Variants in ATE1 observed in about 807,000 individuals in gnomAD.
ATE1 encodes the protein arginyl-tRNA--protein transferase 1.
A neutral mutation model predicts 70.5 loss-of-function variants in ATE1; 36 were observed. The ratio of observed to expected loss-of-function variants is 0.51; its 90% confidence interval spans 0.39 to 0.67. The LOEUF (loss-of-function observed/expected upper bound fraction) is 0.67. ATE1 is among the 30% of genes least tolerant of loss of function. ATE1 has a pLI of 0.00. For synonymous variants in ATE1, 232 were observed against 219.3 expected (o/e 1.06, Z -0.51); for missense variants, 593 against 629.5 (o/e 0.94, Z 0.62).
At chr10:121,814,894 A>C (rs1027755061) in intron 10 of ATE1, among the ~76,000 whole-genome samples, 6 of 152,216 alleles carry the variant, frequency 3.9e-5, no homozygotes, top group African/African-American at 1.4e-4. Context: ...ACTAAAATGG[A>C]AAATTATAAT....
intron 11 of ATE1, among the ~76,000 whole-genome samples, chr10:121,766,832 C>T (rs555494149): frequency 6.6e-6 from 1 of 152,240 alleles, no homozygotes; most frequent in South Asian, 2.1e-4. Flanking sequence ...GGCATAGAGA[C>T]AATGAGGCTT....
chr10:121,815,071 T>C (rs932403816), intron 10 of ATE1, among the ~76,000 whole-genome samples: 3 of 152,208 alleles, frequency 2.0e-5, no homozygotes, highest in African/African-American at 7.2e-5. Context: ...ATGATTTACA[T>C]ATACTAAAAA....
intron 4 of ATE1, among the ~76,000 whole-genome samples, chr10:121,911,442 T>TAAAA (rs371014661): frequency 3.9e-5 from 5 of 128,336 alleles, no homozygotes; most frequent in Admixed American, 1.5e-4. Context: ...TACAGTAAAT[T>TAAAA]AAAAAAAAAA....
At position 121,824,336 on chromosome 10, in the gene ATE1, C is replaced by A. The variant is rs923095773; in HGVS notation, c.1257+12382G>T. On this transcript the variant is annotated intron_variant, in intron 10 of 11. Transcript: ENST00000224652. ...ACCACGTGTGTCCACATGCATCACC[C>A]CGGCCTGCAAGGCTATAGTGAAATA... Among the ~76,000 whole-genome samples the A allele has an allele frequency of 4.6e-5, 7 of 152,150 alleles. No homozygotes were observed. In the East Asian group the frequency reaches 1.3e-3, roughly 29 times the overall value.
chr10:121,847,489 G>A (rs888763985), intron 8 of ATE1, among the ~76,000 whole-genome samples: 13 of 151,478 alleles, frequency 8.6e-5, no homozygotes, highest in South Asian at 6.3e-4. Flanking sequence ...GGCCAGGCGC[G>A]GTAGCTCATG....
chr10:121,830,820 A>G (rs909050463), intron 10 of ATE1, among the ~76,000 whole-genome samples: 1 of 152,168 alleles, frequency 6.6e-6, no homozygotes, highest in Non-Finnish European at 1.5e-5. Flanking sequence ...TTACAAAATC[A>G]CTAGGTTTAC....
chr10:121,925,871 G>C (rs1466385850), intron 1 of ATE1, among the ~76,000 whole-genome samples: 1 of 147,322 alleles, frequency 6.8e-6, no homozygotes, highest in Non-Finnish European at 1.5e-5. Flanking sequence ...CTGAGCAAAG[G>C]AGCAAGACTG....
At chr10:121,841,334 T>C in intron 8 of ATE1, 71 bp from the exon 9 acceptor site, 1 of 1,071,622 alleles carries the variant, frequency 9.3e-7, no homozygotes, top group Non-Finnish European at 1.2e-6. Flanking sequence ...ATATATACTT[T>C]CATTTTCCTC....
chr10:121,815,182 C>A (rs776328767), intron 10 of ATE1, among the ~76,000 whole-genome samples: 2 of 152,236 alleles, frequency 1.3e-5, no homozygotes, highest in Non-Finnish European at 2.9e-5. Context: ...GTCGCCCAGG[C>A]TGGACTGCAG....
At chr10:121,845,304 T>C (rs1170711592) in intron 8 of ATE1, among the ~76,000 whole-genome samples, 3 of 152,320 alleles carry the variant, frequency 2.0e-5, no homozygotes, top group Non-Finnish European at 2.9e-5. Flanking sequence ...CAGGGACTTT[T>C]AGGTGGTGAA....
intron 2 of ATE1, among the ~76,000 whole-genome samples, chr10:121,923,682 C>T (rs543597960): frequency 2.0e-5 from 3 of 152,256 alleles, no homozygotes; most frequent in African/African-American, 7.2e-5. Flanking sequence ...CTAAGAGTTA[C>T]TTAAAAATCA....
intron 7 of ATE1, among the ~76,000 whole-genome samples, chr10:121,885,260 C>CAAAA (rs1212899309): frequency 5.1e-4 from 17 of 33,384 alleles, no homozygotes; most frequent in African/African-American, 1.1e-3. Flanking sequence ...GACTCCGTCT[C>CAAAA]AAAAAAAAAA....
chr10:121,840,908 A>G (rs1351680913), intron 9 of ATE1, among the ~76,000 whole-genome samples, 174 bp downstream of exon 9: 1 of 151,388 alleles, frequency 6.6e-6, no homozygotes, highest in African/African-American at 2.4e-5. Flanking sequence ...ACTCATATAG[A>G]ATACCTATTA....
chr10:121,906,528 C>CAAAATAAAAT (rs372290142), intron 5 of ATE1, among the ~76,000 whole-genome samples: 18,262 of 145,858 alleles, frequency 0.13, 1,352 homozygotes, highest in Middle Eastern at 0.17. Flanking sequence ...GACCCTGTCT[C>CAAAATAAAAT]AAAATAAAAT....
intron 10 of ATE1, among the ~76,000 whole-genome samples, chr10:121,800,721 T>C (rs1564848609): frequency 6.6e-6 from 1 of 152,160 alleles, no homozygotes; most frequent in East Asian, 1.9e-4. Flanking sequence ...AAGTTGACAC[T>C]AGTATCCCAA....
Position 121,789,375 on chromosome 10 carries a change from T to A in ATE1, c.1378+794A>T, listed in dbSNP as rs542307731. ...GTGCAATGGCGTAATCTCAGCTCAC[T>A]GAAACCTCCACCTCCCAGGTTCAAG... is the stretch of plus-strand genomic sequence containing the variant. On this transcript the variant is annotated intron_variant, in intron 11 of 11. Transcript: ENST00000224652. Among the ~76,000 whole-genome samples, 3 of 142,174 alleles carry A rather than the reference T, an allele frequency of 2.1e-5. No individual in the cohort carries two copies. The South Asian group carries it at 7.0e-4, about 33-fold the overall frequency. The allele number at this position is 142,174 out of a possible 152,430, so 93.3% of individuals were successfully genotyped here.
chr10:121,748,138 T>G (rs570899445), intron 11 of ATE1, among the ~76,000 whole-genome samples: 25 of 152,386 alleles, frequency 1.6e-4, no homozygotes, highest in African/African-American at 5.8e-4. Context: ...TACAGAATGA[T>G]GCTTAACAGT....
At chr10:121,851,368 C>T (rs1256241436) in intron 8 of ATE1, among the ~76,000 whole-genome samples, 2 of 152,124 alleles carry the variant, frequency 1.3e-5, no homozygotes, top group African/African-American at 2.4e-5. Context: ...TGCGGTGAAG[C>T]GAGATCGTGC....
intron 1 of ATE1, chr10:121,927,104 G>C: frequency 1.0e-6 from 1 of 985,358 alleles, no homozygotes; most frequent in Non-Finnish European, 1.2e-6. Flanking sequence ...CAAATGCATG[G>C]CAAGAGAGGA....
Sources: allele counts gnomAD v4.1 joint callset (sites outside exome capture counted in the v4.1 genomes callset), GRCh38; gene constraint gnomAD v4.1.1; transcripts MANE v1.5; gene names NCBI Gene and HGNC (gene_info 2026-07-23, HGNC 2026-07-21).